The following WDR70 variants were observed in gnomAD, a reference collection of about 807,000 sequenced individuals.
WDR70 encodes the protein WD repeat domain 70.
A neutral mutation model predicts 88.6 loss-of-function variants in WDR70; 53 were observed. That is an observed-to-expected ratio of 0.60 (90% CI 0.48 to 0.75). The LOEUF (loss-of-function observed/expected upper bound fraction) is 0.75, where lower values mean the gene tolerates loss of function less well. WDR70 is among the 30% of genes least tolerant of loss of function. The probability of loss-of-function intolerance (pLI) is 0.00; values close to 1 mark genes in which losing one functional copy is unlikely to be tolerated. For synonymous variants in WDR70, 280 were observed against 270.0 expected (o/e 1.04, Z -0.36); for missense variants, 610 against 823.2 (o/e 0.74, Z 3.17).
chr5:37,592,489 G>A (rs974927231), intron 9 of WDR70, among the ~76,000 whole-genome samples: 1 of 152,164 alleles, frequency 6.6e-6, no homozygotes, highest in South Asian at 2.1e-4. Flanking sequence ...TAACTGCGCA[G>A]CACAGTAGCA....
chr5:37,437,528 G>A lies in WDR70; in HGVS notation c.493-394G>A, dbSNP rs369454084. On this transcript the variant is annotated intron_variant, in intron 5 of 17. Transcript: ENST00000265107. ...GGTAAGCAGATATATCAACCTTTTCGCTCCTCTTGATAAACTGTGATTTAA... is the reference window on the plus strand; with the variant it reads ...GGTAAGCAGATATATCAACCTTTTCACTCCTCTTGATAAACTGTGATTTAA... Among the ~76,000 whole-genome samples the A allele has an allele frequency of 5.3e-5, 8 of 151,888 alleles. No individual in the cohort carries two copies. The East Asian group carries it at 5.8e-4, about 11-fold the overall frequency.
At position 37,703,093 on chromosome 5, in the gene WDR70, T is replaced by G; in HGVS notation, c.1416+6T>G. 1 of 1,598,508 alleles carries G rather than the reference T, an allele frequency of 6.3e-7. No individual in the cohort carries two copies. The highest frequency in any genetic ancestry group is 8.6e-7 in the Non-Finnish European group (1 of 1,167,014). On this transcript the variant is annotated splice_donor_region_variant and intron_variant, in intron 13 of 17. Coordinates refer to ENST00000265107, the MANE Select transcript of WDR70 (RefSeq NM_018034.4). ...AAATAGACATCACAGATGCGGTACG[T>G]ATATTCTTTTCTCCTCAGCCTTGAG...
At chr5:37,629,554 T>C (rs924968169) in intron 10 of WDR70, among the ~76,000 whole-genome samples, 1 of 152,202 alleles carries the variant, frequency 6.6e-6, no homozygotes, top group African/African-American at 2.4e-5. Context: ...TGGTATAGTC[T>C]GTTGTTGAAG....
chr5:37,508,397 TAA>T (rs1350707951), intron 8 of WDR70, among the ~76,000 whole-genome samples: 1 of 152,178 alleles, frequency 6.6e-6, no homozygotes, highest in Non-Finnish European at 1.5e-5. Context: ...TTATGAGAAA[TAA>T]ATGTATGGTG....
chr5:37,426,003 G>A (rs1359405368), intron 5 of WDR70, among the ~76,000 whole-genome samples: 1 of 152,190 alleles, frequency 6.6e-6, no homozygotes, highest in African/African-American at 2.4e-5. Context: ...GTTTGTTGTT[G>A]AGAGACATAT....
intron 10 of WDR70, among the ~76,000 whole-genome samples, chr5:37,670,379 G>A (rs866115576): frequency 9.2e-5 from 14 of 152,140 alleles, no homozygotes; most frequent in African/African-American, 3.1e-4. Context: ...TGCTTTTCAC[G>A]ATGGGAGGTG....
chr5:37,601,853 A>G (rs1202731900), intron 9 of WDR70, among the ~76,000 whole-genome samples: 1 of 152,228 alleles, frequency 6.6e-6, no homozygotes. Context: ...GGATAAAGAA[A>G]ATGTGGCACA....
At chr5:37,696,241 A>G (rs1746977523) in intron 10 of WDR70, among the ~76,000 whole-genome samples, 1 of 152,232 alleles carries the variant, frequency 6.6e-6, no homozygotes, top group Non-Finnish European at 1.5e-5. Flanking sequence ...GAAAGATGGA[A>G]GCATGATAAC....
chr5:37,410,628 G>GT (rs1749495353), intron 5 of WDR70, among the ~76,000 whole-genome samples: 1 of 152,084 alleles, frequency 6.6e-6, no homozygotes, highest in Non-Finnish European at 1.5e-5. Context: ...AGGTATGGTA[G>GT]TTTTTTAAAA....
intron 13 of WDR70, among the ~76,000 whole-genome samples, chr5:37,706,295 A>G (rs900980537): frequency 6.6e-6 from 1 of 152,172 alleles, no homozygotes; most frequent in African/African-American, 2.4e-5. Context: ...GTTTGCACGC[A>G]TTTTACAATT....
At chr5:37,648,022 G>T (rs1745284883) in intron 10 of WDR70, among the ~76,000 whole-genome samples, 1 of 152,168 alleles carries the variant, frequency 6.6e-6, no homozygotes, top group Non-Finnish European at 1.5e-5. Context: ...GACACTTGGG[G>T]ATTACAATTT....
At chr5:37,656,073 G>A (rs1425470852) in intron 10 of WDR70, among the ~76,000 whole-genome samples, 2 of 151,810 alleles carry the variant, frequency 1.3e-5, no homozygotes, top group Non-Finnish European at 2.9e-5. Flanking sequence ...TCATCTGTGA[G>A]GATTTATCTA....
intron 5 of WDR70, among the ~76,000 whole-genome samples, chr5:37,432,087 A>C (rs1218785058): frequency 6.6e-6 from 1 of 152,158 alleles, no homozygotes; most frequent in Non-Finnish European, 1.5e-5. Context: ...GAATTGCTGG[A>C]TCATACAGTA....
At chr5:37,492,568 T>C (rs981448229) in intron 8 of WDR70, among the ~76,000 whole-genome samples, 1 of 152,202 alleles carries the variant, frequency 6.6e-6, no homozygotes, top group Non-Finnish European at 1.5e-5. Context: ...TTAAAAGCAG[T>C]TGGGCTCTTC....
chr5:37,684,407 C>A (rs1312889756), intron 10 of WDR70, among the ~76,000 whole-genome samples: 1 of 152,168 alleles, frequency 6.6e-6, no homozygotes, highest in Non-Finnish European at 1.5e-5. Flanking sequence ...TGCACTGGAT[C>A]TTTCTCATTT....
In WDR70 at chr5:37,563,518, CCTCA is replaced by C. The variant is rs1157602444; in HGVS notation, c.918-41544_918-41541del. On this transcript the variant is annotated intron_variant, in intron 9 of 17. Transcript: ENST00000265107. ...GTAGGGGCGGCCGGGCAGAGGCGCC[CCTCA>C]CCTCCCGGATGGGGCGGCTGGCCGG... is the stretch of plus-strand genomic sequence containing the variant. Among the ~76,000 whole-genome samples, 2 of 64,638 alleles carry C rather than the reference CCTCA, an allele frequency of 3.1e-5. 1 individual carries two copies. Among genetic ancestry groups the C allele is most frequent in the Non-Finnish European group, 7.7e-5 (2 of 25,906 alleles). The allele number at this position is 64,638 out of a possible 152,430, so 42.4% of individuals were successfully genotyped here.
intron 7 of WDR70, among the ~76,000 whole-genome samples, chr5:37,454,306 A>G (rs2112087034): frequency 6.6e-6 from 1 of 152,296 alleles, no homozygotes; most frequent in South Asian, 2.1e-4. Context: ...TAAGGCTGAT[A>G]TGTTTAGTTT....
At chr5:37,605,020 CTT>C (rs150300664) in intron 9 of WDR70, 42 bp from the exon 10 acceptor site, 3,166 of 1,313,340 alleles carry the variant, frequency 2.4e-3, no homozygotes, top group South Asian at 5.3e-3. Context: ...CCCCCTCCTT[CTT>C]TTTTTTTTTA....
intron 9 of WDR70, among the ~76,000 whole-genome samples, chr5:37,560,200 C>G (rs994856176): frequency 1.3e-5 from 2 of 152,060 alleles, no homozygotes; most frequent in African/African-American, 4.8e-5. Flanking sequence ...ATAGACACTA[C>G]TTTTTTTAAT....
Sources: allele counts gnomAD v4.1 joint callset (sites outside exome capture counted in the v4.1 genomes callset), GRCh38; gene constraint gnomAD v4.1.1; transcripts MANE v1.5; gene names NCBI Gene and HGNC (gene_info 2026-07-23, HGNC 2026-07-21).